Variants in LAMA1 observed in about 807,000 individuals in gnomAD.
LAMA1 encodes laminin subunit alpha-1.
A neutral mutation model predicts 348.7 loss-of-function variants in LAMA1; 219 were observed. The ratio of observed to expected loss-of-function variants is 0.63; its 90% confidence interval spans 0.56 to 0.70. The LOEUF is 0.70. Among genes scored for constraint, LAMA1 ranks in the 30% least tolerant of loss-of-function variants. The pLI is 0.00. For missense variants in LAMA1, 3,744 were observed against 3,888.0 expected (o/e 0.96, Z 0.99); for synonymous variants, 1,487 against 1,491.0 (o/e 1.00, Z 0.06).
At chr18:7,082,973 T>A (rs1416749225) in intron 1 of LAMA1, among the ~76,000 whole-genome samples, 1 of 148,426 alleles carries the variant, frequency 6.7e-6, no homozygotes, top group African/African-American at 2.6e-5. Flanking sequence ...GGGTCTTGTG[T>A]TATTGAGGAG....
At chr18:6,992,476 C>T in intron 36 of LAMA1, 85 bp downstream of exon 36, 1 of 1,475,212 alleles carries the variant, frequency 6.8e-7, no homozygotes, top group Admixed American at 1.7e-5. Flanking sequence ...CACTTTTCTT[C>T]CACGATGCCT....
intron 1 of LAMA1, among the ~76,000 whole-genome samples, chr18:7,094,625 G>A (rs1402268667): frequency 6.6e-6 from 1 of 151,958 alleles, no homozygotes; most frequent in Non-Finnish European, 1.5e-5. Flanking sequence ...AAGTCTTGGA[G>A]ACCTTTAGCA....
At chr18:6,975,796 A>G in intron 45 of LAMA1, 141 bp downstream of exon 45, 1 of 972,882 alleles carries the variant, frequency 1.0e-6, no homozygotes, top group South Asian at 1.4e-5. Flanking sequence ...TAATGCTACC[A>G]TTTTAACAAA....
chr18:7,038,790 G>A lies in LAMA1; in HGVS notation c.1563+20C>T, dbSNP rs2058007623. 2 of 1,613,684 alleles carry A rather than the reference G, an allele frequency of 1.2e-6. No homozygotes were observed. Among genetic ancestry groups the A allele is most frequent in the East Asian group, 4.5e-5 (2 of 44,790 alleles). ...TACGACCTGCTCATTAAATCCCGCC[G>A]CGCAGATGGCGCCTCCCACCTGACC... On this transcript the variant is annotated intron_variant, in intron 11 of 62. Transcript: ENST00000389658.
chr18:7,060,753 A>G (rs1384476486), intron 3 of LAMA1, among the ~76,000 whole-genome samples: 27 of 152,310 alleles, frequency 1.8e-4, no homozygotes, highest in Admixed American at 1.7e-3. Flanking sequence ...AGCAGTTCTG[A>G]CTTCCATCAA....
intron 9 of LAMA1, among the ~76,000 whole-genome samples, chr18:7,041,467 G>A (rs1053540072): frequency 6.6e-6 from 1 of 152,126 alleles, no homozygotes; most frequent in Non-Finnish European, 1.5e-5. Flanking sequence ...CATCGCTGGG[G>A]GGCCCACCCA....
At position 6,978,346 on chromosome 18, in the gene LAMA1, G is replaced by A. The variant is rs9955616; in HGVS notation, c.6040C>T (p.Leu2014=). Reference sequence around the variant, plus strand: ...GCGCTCTGGCTTGCAGACGTGGCCAGCTCTTTGGTTTTGGCTCCCTTGTCT... The same window carrying A: ...GCGCTCTGGCTTGCAGACGTGGCCAACTCTTTGGTTTTGGCTCCCTTGTCT... ...IRDKGAKTKE[L]ATSASQSAVS... is the part of the protein sequence containing the mutation. The change falls in exon 43 of 63, where the codon CTG becomes TTG. Residue 2014 remains leucine (L), a synonymous_variant. Transcript: ENST00000389658. The A allele has an allele frequency of 0.039, 62,538 of 1,614,038 alleles. 2,624 individuals are homozygous for A. Among genetic ancestry groups the A allele is most frequent in the African/African-American group, 0.22 (16,354 of 74,968 alleles).
chr18:7,033,062 A>G lies in LAMA1; in HGVS notation c.2085T>C (p.Ser695=), dbSNP rs1174842689. 3.1e-6 allele frequency: 5 copies of G among 1,612,084 alleles called. No individual in the cohort carries two copies. Residue 695 remains serine (S), a synonymous_variant, in exon 15 of 63, where the codon TCT becomes TCC. Transcript: ENST00000389658. ...CGGCCACCACCAGGTCGATGGCATTAGAGCTGGCTATGTCCAGAGAGACGG... is the reference window on the plus strand; with the variant it reads ...CGGCCACCACCAGGTCGATGGCATTGGAGCTGGCTATGTCCAGAGAGACGG... ...LESVSLDIAS[S]NAIDLVVAAD...
intron 62 of LAMA1, among the ~76,000 whole-genome samples, chr18:6,942,658 C>T (rs1195372238): frequency 6.6e-6 from 1 of 152,154 alleles, no homozygotes; most frequent in African/African-American, 2.4e-5. Context: ...AAGTGATCCA[C>T]CCACCTTGGC....
intron 48 of LAMA1, among the ~76,000 whole-genome samples, chr18:6,970,017 C>G (rs970443230): frequency 1.7e-4 from 26 of 152,084 alleles, no homozygotes; most frequent in African/African-American, 6.0e-4. Context: ...ATTTTTCTTT[C>G]TAACAGTGAG....
intron 57 of LAMA1, among the ~76,000 whole-genome samples, chr18:6,951,376 T>C (rs796750781): frequency 1.3e-5 from 2 of 152,162 alleles, no homozygotes; most frequent in African/African-American, 2.4e-5. Context: ...GAGAGCTTGA[T>C]GGCAGGGGAC....
At chr18:7,015,597 T>TC (rs1384587227) in intron 22 of LAMA1, 125 bp downstream of exon 22, 15 of 1,253,752 alleles carry the variant, frequency 1.2e-5, no homozygotes, top group Non-Finnish European at 1.7e-5. Context: ...AGTTTTTTTT[T>TC]TTTTTTTAAA....
At chr18:6,944,267 C>T (rs1425723353) in intron 61 of LAMA1, among the ~76,000 whole-genome samples, 3 of 152,176 alleles carry the variant, frequency 2.0e-5, no homozygotes, top group Admixed American at 1.3e-4. Context: ...TTGCCCACCT[C>T]GGCCTCCCAA....
chr18:7,045,886 C>T (rs1047479020), intron 6 of LAMA1, among the ~76,000 whole-genome samples: 13 of 151,006 alleles, frequency 8.6e-5, no homozygotes, highest in East Asian at 3.9e-4. Flanking sequence ...CCAAAAAAAA[C>T]GGAAGGGGAG....
chr18:7,011,845 GA>G, intron 24 of LAMA1, 149 bp downstream of exon 24: 1 of 900,734 alleles, frequency 1.1e-6, no homozygotes, highest in Non-Finnish European at 1.7e-6. Context: ...GCTGAGCTCT[GA>G]TTCCTGTTCT....
intron 16 of LAMA1, among the ~76,000 whole-genome samples, chr18:7,027,465 A>G (rs1020574678): frequency 1.3e-5 from 2 of 151,942 alleles, no homozygotes; most frequent in African/African-American, 4.8e-5. Context: ...TCTTGGGTAA[A>G]CTCCTAATTA....
chr18:7,108,650 A>AAAAAAAAAAAAC (rs2058323778), intron 1 of LAMA1, among the ~76,000 whole-genome samples: 1 of 144,106 alleles, frequency 6.9e-6, no homozygotes, highest in African/African-American at 2.8e-5. Context: ...CAAAAAAAAA[A>AAAAAAAAAAAAC]AAAAAAAAAA....
chr18:6,967,512 C>G (rs929154804), intron 48 of LAMA1, among the ~76,000 whole-genome samples: 2 of 152,154 alleles, frequency 1.3e-5, no homozygotes, highest in African/African-American at 4.8e-5. Flanking sequence ...GTGCCCTTTC[C>G]TTCAGCTATA....
At chr18:6,947,387 G>A in intron 60 of LAMA1, 91 bp from the exon 61 acceptor site, 3 of 1,497,140 alleles carry the variant, frequency 2.0e-6, no homozygotes, top group Non-Finnish European at 2.8e-6. Flanking sequence ...GGGGGACCTG[G>A]CTCTAGCTCC....
Sources: allele counts gnomAD v4.1 joint callset (sites outside exome capture counted in the v4.1 genomes callset), GRCh38; gene constraint gnomAD v4.1.1; transcripts MANE v1.5; gene names NCBI Gene and HGNC (gene_info 2026-07-23, HGNC 2026-07-21).